The following PRKN variants were observed in gnomAD, a reference collection of about 807,000 sequenced individuals.
PRKN encodes the protein E3 ubiquitin-protein ligase parkin.
Under a neutral mutation model 59.5 loss-of-function variants are expected in PRKN, and 56 were observed. That is an observed-to-expected ratio of 0.94 (90% CI 0.76 to 1.18). The LOEUF (loss-of-function observed/expected upper bound fraction) is 1.18, where lower values mean the gene tolerates loss of function less well. PRKN is among the 50% of genes most tolerant of loss of function. The probability of loss-of-function intolerance (pLI) is 0.00; values close to 1 mark genes in which losing one functional copy is unlikely to be tolerated. For synonymous variants in PRKN, 250 were observed against 222.1 expected (o/e 1.13, Z -1.12); for missense variants, 657 against 596.4 (o/e 1.10, Z -1.06).
intron 6 of PRKN, among the ~76,000 whole-genome samples, chr6:161,912,141 G>A (rs2128237222): frequency 6.7e-6 from 1 of 150,328 alleles, no homozygotes; most frequent in Admixed American, 6.6e-5. Flanking sequence ...TCACACCACT[G>A]CACTCCAGCC....
At chr6:161,424,705 T>A (rs572628900) in intron 9 of PRKN, among the ~76,000 whole-genome samples, 2 of 152,222 alleles carry the variant, frequency 1.3e-5, no homozygotes, top group Non-Finnish European at 2.9e-5. Context: ...GGCCACTCCC[T>A]GTACTAAAAG....
intron 7 of PRKN, among the ~76,000 whole-genome samples, chr6:161,645,954 T>C (rs12205219): frequency 0.24 from 22,105 of 94,006 alleles, 2,280 homozygotes; most frequent in Middle Eastern, 0.32. Context: ...GCGGAGGAGG[T>C]GGCGTATCAG....
intron 2 of PRKN, among the ~76,000 whole-genome samples, chr6:162,312,753 A>G (rs766923829): frequency 6.6e-6 from 1 of 152,140 alleles, no homozygotes; most frequent in Non-Finnish European, 1.5e-5. Context: ...TATCTTTTCG[A>G]AAAGCTGTGC....
At chr6:162,247,195 G>C (rs1408738159) in intron 3 of PRKN, among the ~76,000 whole-genome samples, 2 of 152,070 alleles carry the variant, frequency 1.3e-5, no homozygotes, top group Non-Finnish European at 2.9e-5. Context: ...TGAAATCAAA[G>C]ATCTTATTTT....
At chr6:162,258,248 G>A (rs1265926345) in intron 3 of PRKN, among the ~76,000 whole-genome samples, 3 of 152,206 alleles carry the variant, frequency 2.0e-5, no homozygotes, top group Non-Finnish European at 4.4e-5. Context: ...GCTCCGTTGA[G>A]GTAGGCATCT....
chr6:162,063,964 C>T (rs1041965590), intron 4 of PRKN, among the ~76,000 whole-genome samples: 1 of 152,114 alleles, frequency 6.6e-6, no homozygotes, highest in African/African-American at 2.4e-5. Flanking sequence ...TAGACTCGTA[C>T]AAGCATCTAA....
chr6:162,439,221 T>C lies in PRKN; in HGVS notation c.171+4089A>G, dbSNP rs77956792. 6.5e-3 allele frequency among the ~76,000 whole-genome samples: 997 copies of C among 152,272 alleles called. 66 individuals are homozygous for C. In the East Asian group the frequency reaches 0.15, roughly 22 times the overall value. On this transcript the variant is annotated intron_variant, in intron 2 of 11. Transcript: ENST00000366898. ...GACTGGTTATTGTCTAAATGTTTTC[T>C]ATGTTGCTAGGCAGCCCCTTTCTGA...
At chr6:161,749,122 A>C (rs1788565728) in intron 7 of PRKN, among the ~76,000 whole-genome samples, 1 of 152,162 alleles carries the variant, frequency 6.6e-6, no homozygotes, top group Admixed American at 6.5e-5. Flanking sequence ...GCAAGCAGGT[A>C]CGCCTAAGCT....
intron 2 of PRKN, among the ~76,000 whole-genome samples, chr6:162,291,096 G>T (rs1781407767): frequency 6.6e-6 from 1 of 152,194 alleles, no homozygotes; most frequent in African/African-American, 2.4e-5. Flanking sequence ...CATTTGCTGA[G>T]ACGGAGGCAC....
At chr6:162,352,130 G>A (rs768114005) in intron 2 of PRKN, among the ~76,000 whole-genome samples, 19 of 152,186 alleles carry the variant, frequency 1.2e-4, no homozygotes, top group Admixed American at 3.9e-4. Flanking sequence ...TTTGAGACAT[G>A]GACTTCACAA....
At chr6:162,153,683 G>T (rs1583113829) in intron 4 of PRKN, among the ~76,000 whole-genome samples, 1 of 152,238 alleles carries the variant, frequency 6.6e-6, no homozygotes, top group East Asian at 1.9e-4. Context: ...TCAGCAGAGG[G>T]GGAGCTGGAA....
At chr6:162,125,763 T>C (rs1017333917) in intron 4 of PRKN, among the ~76,000 whole-genome samples, 2 of 152,176 alleles carry the variant, frequency 1.3e-5, no homozygotes, top group Non-Finnish European at 1.5e-5. Flanking sequence ...ACAACTCACA[T>C]TTAAAGATGA....
intron 2 of PRKN, among the ~76,000 whole-genome samples, chr6:162,324,244 G>T (rs1783167454): frequency 6.6e-6 from 1 of 152,132 alleles, no homozygotes; most frequent in Admixed American, 6.6e-5. Context: ...CTAATCTAGA[G>T]TGGCAGGAAG....
At chr6:162,471,061 C>T (rs912949954) in intron 1 of PRKN, among the ~76,000 whole-genome samples, 1 of 147,026 alleles carries the variant, frequency 6.8e-6, no homozygotes, top group African/African-American at 2.5e-5. Flanking sequence ...ACGCCCAGCC[C>T]ACACTCTATT....
At chr6:162,697,911 G>A (rs1330294627) in intron 1 of PRKN, among the ~76,000 whole-genome samples, 1 of 152,166 alleles carries the variant, frequency 6.6e-6, no homozygotes. Flanking sequence ...AAGGAGTACT[G>A]AGTTGAAGAA....
At chr6:162,315,547 G>A (rs1273038392) in intron 2 of PRKN, among the ~76,000 whole-genome samples, 2 of 152,088 alleles carry the variant, frequency 1.3e-5, no homozygotes, top group African/African-American at 4.8e-5. Flanking sequence ...TGGTTGTCTT[G>A]TGTTTTATCT....
intron 9 of PRKN, among the ~76,000 whole-genome samples, chr6:161,543,287 A>C (rs1395022454): frequency 6.6e-6 from 1 of 152,242 alleles, no homozygotes; most frequent in African/African-American, 2.4e-5. Flanking sequence ...ATTTTCACCA[A>C]AAACATATAC....
chr6:162,272,324 T>A (rs1780431517), intron 2 of PRKN, among the ~76,000 whole-genome samples: 1 of 152,222 alleles, frequency 6.6e-6, no homozygotes, highest in African/African-American at 2.4e-5. Context: ...TTTTATATTG[T>A]CAACATTGCA....
intron 1 of PRKN, among the ~76,000 whole-genome samples, chr6:162,450,111 C>A (rs1380051558): frequency 1.3e-5 from 2 of 152,110 alleles, no homozygotes; most frequent in Non-Finnish European, 2.9e-5. Flanking sequence ...GAAAGAGAAA[C>A]CCAAATTTCT....
Sources: gnomAD v4.1 joint callset for allele counts (sites outside exome capture counted in the v4.1 genomes callset) on GRCh38, gnomAD v4.1.1 for gene constraint, MANE v1.5 for transcripts, NCBI Gene and HGNC (gene_info 2026-07-23, HGNC 2026-07-21) for gene names.